Variants in ZSWIM5 observed in about 807,000 individuals in gnomAD.
ZSWIM5 encodes the protein zinc finger SWIM domain-containing protein 5.
Under a neutral mutation model 119.6 loss-of-function variants are expected in ZSWIM5, and 55 were observed. The ratio of observed to expected loss-of-function variants is 0.46; its 90% confidence interval spans 0.37 to 0.58. The LOEUF (loss-of-function observed/expected upper bound fraction) is 0.58, where lower values mean the gene tolerates loss of function less well. ZSWIM5 is among the 20% of genes least tolerant of loss of function. ZSWIM5 has a pLI of 0.00. For missense variants in ZSWIM5, 1,193 were observed against 1,512.8 expected (o/e 0.79, Z 3.51); for synonymous variants, 537 against 606.9 (o/e 0.88, Z 1.69).
intron 1 of ZSWIM5, among the ~76,000 whole-genome samples, chr1:45,096,791 T>C (rs1645406225): frequency 6.6e-6 from 1 of 152,084 alleles, no homozygotes; most frequent in Admixed American, 6.6e-5. Context: ...ACTGTAAGAA[T>C]AAAATTGTAC....
chr1:45,190,056 GTAA>G (rs1646082016), intron 1 of ZSWIM5, among the ~76,000 whole-genome samples: 1 of 152,158 alleles, frequency 6.6e-6, no homozygotes, highest in Non-Finnish European at 1.5e-5. Context: ...GCTCACACCT[GTAA>G]TCCCAGCACT....
chr1:45,073,245 C>T (rs564784873), intron 2 of ZSWIM5, among the ~76,000 whole-genome samples: 1 of 135,554 alleles, frequency 7.4e-6, no homozygotes, highest in East Asian at 2.1e-4. Context: ...ACAATTGCTA[C>T]TGAATTTTTT....
chr1:45,070,298 G>A, intron 2 of ZSWIM5: 1 of 1,432,956 alleles, frequency 7.0e-7, no homozygotes, highest in Non-Finnish European at 9.8e-7. Flanking sequence ...TTCCTCTGGT[G>A]ATGAGGAAGT....
intron 1 of ZSWIM5, among the ~76,000 whole-genome samples, chr1:45,093,015 C>G (rs980773346): frequency 2.6e-5 from 4 of 152,164 alleles, no homozygotes; most frequent in Admixed American, 2.0e-4. Flanking sequence ...TATTACTACT[C>G]CCATATTTAT....
In ZSWIM5 at chr1:45,058,498, C is replaced by T. The variant is rs556266746; in HGVS notation, c.1252+111G>A. 2.2e-5 allele frequency: 30 copies of T among 1,389,652 alleles called. No homozygotes were observed. In the South Asian group the frequency reaches 3.5e-4, roughly 16 times the overall value. The allele number at this position is 1,389,652 out of a possible 1,614,324, so 86.1% of individuals were successfully genotyped here. On this transcript the variant is annotated intron_variant, in intron 4 of 13. Coordinates refer to ENST00000359600, the MANE Select transcript of ZSWIM5 (RefSeq NM_020883.2). ...CCTCTGTAGAACCTAAGTCTTCTACCAGCTGGACTTAGCAAGATCCATGCA... is the reference window on the plus strand; with the variant it reads ...CCTCTGTAGAACCTAAGTCTTCTACTAGCTGGACTTAGCAAGATCCATGCA...
chr1:45,136,955 C>A (rs1461776562), intron 1 of ZSWIM5, among the ~76,000 whole-genome samples: 2 of 152,160 alleles, frequency 1.3e-5, no homozygotes, highest in Admixed American at 1.3e-4. Flanking sequence ...CTTATCCTTG[C>A]TAATTTTGTA....
At chr1:45,102,391 C>A (rs1313734164) in intron 1 of ZSWIM5, among the ~76,000 whole-genome samples, 4 of 152,120 alleles carry the variant, frequency 2.6e-5, no homozygotes, top group Non-Finnish European at 5.9e-5. Context: ...CAAATGAGCC[C>A]CTACTCTGGG....
intron 1 of ZSWIM5, among the ~76,000 whole-genome samples, chr1:45,204,975 T>C (rs1257644180): frequency 1.3e-5 from 2 of 152,138 alleles, no homozygotes; most frequent in East Asian, 3.8e-4. Flanking sequence ...GAAGAAATCA[T>C]TTGTATAATA....
rs1378584385 is a variant in ZSWIM5, at chr1:45,018,935, T to C, written c.3077A>G (p.His1026Arg). ...ATCCTGGTTGTAGGCCAGGTTAAGATGGCTCATGGCCAATGAGGCCAGCTT... is the reference window on the plus strand; with the variant it reads ...ATCCTGGTTGTAGGCCAGGTTAAGACGGCTCATGGCCAATGAGGCCAGCTT... ...AFKLASLAMS[H>R]LNLAYNQDTH... is the part of the protein sequence containing the mutation. Residue 1026 changes from histidine to arginine, a missense_variant, in exon 14 of 14, where the codon CAT becomes CGT. Physicochemically the swap from His to Arg is conservative, Grantham distance 29 (BLOSUM62 0). This residue lies in a region of ZSWIM5 where 961 missense variants were observed against 1,290.0 expected (regional missense o/e 0.74). Transcript: ENST00000359600. The surrounding 1 kb of genome is among the most constrained non-coding windows in gnomAD (Gnocchi z 6.7). 2 of 1,614,074 alleles carry C rather than the reference T, an allele frequency of 1.2e-6. No homozygotes were observed. The highest frequency in any genetic ancestry group is 1.7e-6 in the Non-Finnish European group (2 of 1,180,038).
At chr1:45,102,635 ATG>A (rs1364355522) in intron 1 of ZSWIM5, among the ~76,000 whole-genome samples, 2 of 152,202 alleles carry the variant, frequency 1.3e-5, no homozygotes, top group African/African-American at 4.8e-5. Context: ...GTATGGATGA[ATG>A]AATAAATGAA....
At position 45,017,760 on chromosome 1, in the gene ZSWIM5, T is replaced by C. The variant is rs1644863885; in HGVS notation, c.*694A>G. ...GGCAGGAGCTTCAATGTCCTCACAG[T>C]TTTGTGAGGCAAAAGTCTAAGTCCA... On this transcript the variant is annotated 3_prime_UTR_variant, in exon 14 of 14. Transcript: ENST00000359600. 1 of 152,254 alleles carries C rather than the reference T, an allele frequency of 6.6e-6. No homozygotes were observed. The highest frequency in any genetic ancestry group is 2.1e-4 in the South Asian group (1 of 4,836). 9.4% of individuals were successfully genotyped at this position (152,254 alleles called of 1,614,324 possible).
At chr1:45,085,536 T>G (rs1368186048) in intron 2 of ZSWIM5, among the ~76,000 whole-genome samples, 3 of 149,824 alleles carry the variant, frequency 2.0e-5, no homozygotes, top group East Asian at 1.9e-4. Context: ...TTGTTTTTTT[T>G]TTTTTTTTTT....
At chr1:45,147,855 A>G (rs1645772042) in intron 1 of ZSWIM5, among the ~76,000 whole-genome samples, 2 of 152,240 alleles carry the variant, frequency 1.3e-5, no homozygotes, top group South Asian at 4.1e-4. Context: ...CTCCAAAAAC[A>G]ATCTGTGAAT....
chr1:45,095,933 T>C (rs1015805052), intron 1 of ZSWIM5, among the ~76,000 whole-genome samples: 18 of 152,146 alleles, frequency 1.2e-4, no homozygotes, highest in African/African-American at 3.6e-4. Context: ...TGGAACCTGG[T>C]AGGCTCTTAA....
chr1:45,078,477 A>C (rs1645268583), intron 2 of ZSWIM5, among the ~76,000 whole-genome samples: 1 of 152,178 alleles, frequency 6.6e-6, no homozygotes, highest in East Asian at 1.9e-4. Flanking sequence ...TTCTCTGGGC[A>C]ACCACAGGCA....
At chr1:45,130,441 GAA>G (rs140129484) in intron 1 of ZSWIM5, among the ~76,000 whole-genome samples, 10,996 of 151,368 alleles carry the variant, frequency 0.073, 491 homozygotes, top group Non-Finnish European at 0.1. Context: ...CAAAAGACAT[GAA>G]GAGACATCTC....
intron 1 of ZSWIM5, among the ~76,000 whole-genome samples, chr1:45,185,905 A>AT (rs1267052760): frequency 6.6e-6 from 1 of 152,220 alleles, no homozygotes; most frequent in Non-Finnish European, 1.5e-5. Context: ...TACTGGGTAT[A>AT]TACCCAAAGG....
At chr1:45,196,537 C>T (rs1479700380) in intron 1 of ZSWIM5, among the ~76,000 whole-genome samples, 1 of 151,362 alleles carries the variant, frequency 6.6e-6, no homozygotes, top group Non-Finnish European at 1.5e-5. Flanking sequence ...ACTACAGGTG[C>T]CTGCCACCAC....
chr1:45,194,928 T>C (rs1646113358), intron 1 of ZSWIM5, among the ~76,000 whole-genome samples: 1 of 151,976 alleles, frequency 6.6e-6, no homozygotes, highest in African/African-American at 2.4e-5. Flanking sequence ...GTGTTTTCAA[T>C]CTTTATTGCA....
Sources: allele counts gnomAD v4.1 joint callset (sites outside exome capture counted in the v4.1 genomes callset), GRCh38; gene constraint gnomAD v4.1.1; regional missense constraint gnomAD v4.1.1; non-coding constraint Gnocchi (gnomAD v3.1); transcripts MANE v1.5; gene names NCBI Gene and HGNC (gene_info 2026-07-23, HGNC 2026-07-21).